WDPCP: variants seen among roughly 807,000 people sequenced by gnomAD.
WDPCP encodes the protein WD repeat-containing and planar cell polarity effector protein fritz homolog.
A neutral mutation model predicts 93.1 loss-of-function variants in WDPCP; 71 were observed. The observed-to-expected ratio is 0.76, with a 90% CI of 0.63 to 0.93. WDPCP has a LOEUF of 0.93. WDPCP is among the 40% of genes least tolerant of loss of function. WDPCP has a pLI of 0.00. For missense variants in WDPCP, 844 were observed against 887.4 expected (o/e 0.95, Z 0.62); for synonymous variants, 315 against 315.0 (o/e 1.00, Z 0.00).
rs147971702 is a variant in WDPCP, at chr2:63,322,568, G to A, written c.1749-9257C>T. On this transcript the variant is annotated intron_variant, in intron 12 of 17. Transcript: ENST00000272321. Reference sequence around the variant, plus strand: ...CTTTAAGAGCTGTAGCACTCACTGCGAAGGTCTGCGGCTTCACTCCTGAAG... The same window carrying A: ...CTTTAAGAGCTGTAGCACTCACTGCAAAGGTCTGCGGCTTCACTCCTGAAG... 7.4e-3 allele frequency among the ~76,000 whole-genome samples: 1,124 copies of A among 152,100 alleles called. 9 individuals carry two copies. Among genetic ancestry groups the A allele is most frequent in the Non-Finnish European group, 0.013 (888 of 67,996 alleles).
At position 63,174,608 on chromosome 2, in the gene WDPCP, G is replaced by T; in HGVS notation, c.2078+62C>A. 4 of 1,595,078 alleles carry T rather than the reference G, an allele frequency of 2.5e-6. No homozygotes were observed. The South Asian group carries it at 3.3e-5, about 13-fold the overall frequency. ...AATATTCTTGCTTTGCTATTAGTTCGCATTTGAACAGGTAATACTAAATAC... is the reference window on the plus strand; with the variant it reads ...AATATTCTTGCTTTGCTATTAGTTCTCATTTGAACAGGTAATACTAAATAC... On this transcript the variant is annotated intron_variant, in intron 15 of 17. Transcript: ENST00000272321.
intron 14 of WDPCP, among the ~76,000 whole-genome samples, chr2:63,236,192 C>G (rs1574950740): frequency 1.3e-5 from 2 of 152,120 alleles, no homozygotes; most frequent in South Asian, 4.1e-4. Context: ...CAATAACGTT[C>G]AAGCTGAGAG....
intron 2 of WDPCP, among the ~76,000 whole-genome samples, chr2:63,742,707 CGTT>C (rs990616391): frequency 1.1e-4 from 16 of 148,494 alleles, no homozygotes; most frequent in Non-Finnish European, 1.9e-4. Flanking sequence ...GACATAAAAA[CGTT>C]GGTGGATTGT....
chr2:63,489,198 G>A (rs1410454005), intron 2 of WDPCP, among the ~76,000 whole-genome samples: 1 of 152,004 alleles, frequency 6.6e-6, no homozygotes, highest in African/African-American at 2.4e-5. Context: ...CAAACAGGGT[G>A]ACTGATAAGT....
At chr2:63,716,251 T>G (rs1211202548) in intron 2 of WDPCP, among the ~76,000 whole-genome samples, 1 of 152,166 alleles carries the variant, frequency 6.6e-6, no homozygotes, top group Non-Finnish European at 1.5e-5. Flanking sequence ...AGACCTCTAG[T>G]AACTTAATAG....
chr2:63,366,050 C>G (rs767254266), intron 12 of WDPCP, among the ~76,000 whole-genome samples: 32 of 152,240 alleles, frequency 2.1e-4, no homozygotes, highest in Non-Finnish European at 4.0e-4. Flanking sequence ...ATCATAGAAT[C>G]TCATGTTGGA....
chr2:63,142,538 G>A (rs1375146178), intron 17 of WDPCP, among the ~76,000 whole-genome samples: 1 of 152,094 alleles, frequency 6.6e-6, no homozygotes, highest in Non-Finnish European at 1.5e-5. Flanking sequence ...TTTATTGAGG[G>A]TCGTTTTATG....
chr2:63,726,361 T>C (rs888699446), intron 2 of WDPCP, among the ~76,000 whole-genome samples: 6 of 152,154 alleles, frequency 3.9e-5, no homozygotes, highest in Admixed American at 6.6e-5. Flanking sequence ...CAGTTGTAAG[T>C]GTGTGGCTTT....
At chr2:63,195,792 T>C (rs1048402092) in intron 14 of WDPCP, among the ~76,000 whole-genome samples, 4 of 152,164 alleles carry the variant, frequency 2.6e-5, no homozygotes, top group African/African-American at 7.2e-5. Context: ...ATACAATCTG[T>C]TATAAAAAGT....
At chr2:63,534,188 A>G (rs559589838) in intron 1 of WDPCP, among the ~76,000 whole-genome samples, 1 of 152,350 alleles carries the variant, frequency 6.6e-6, no homozygotes, top group South Asian at 2.1e-4. Flanking sequence ...GACTTGACCA[A>G]TAACAGGCTC....
chr2:63,196,671 C>T (rs1675457824), intron 14 of WDPCP, among the ~76,000 whole-genome samples: 1 of 152,144 alleles, frequency 6.6e-6, no homozygotes, highest in Non-Finnish European at 1.5e-5. Context: ...AAGCAGCAGA[C>T]AAGTTCTCAG....
At position 63,545,714 on chromosome 2, in the gene WDPCP, C is replaced by G. The variant is rs142733255; in HGVS notation, c.75+42483G>C. On this transcript the variant is annotated intron_variant, in intron 1 of 17. Transcript: ENST00000272321. ...GAACTCAGATCCACCTAGAAACATTCAAGTGTTCATGGACCACAGTGTATT... is the reference window on the plus strand; with the variant it reads ...GAACTCAGATCCACCTAGAAACATTGAAGTGTTCATGGACCACAGTGTATT... 4.0e-4 allele frequency among the ~76,000 whole-genome samples: 61 copies of G among 152,102 alleles called. 1 individual carries two copies. In the East Asian group the frequency reaches 0.011, roughly 28 times the overall value.
intron 1 of WDPCP, among the ~76,000 whole-genome samples, chr2:63,505,969 A>G (rs944711778): frequency 6.6e-6 from 1 of 152,136 alleles, no homozygotes; most frequent in African/African-American, 2.4e-5. Flanking sequence ...AACCATGTCC[A>G]GGAATTTAGT....
chr2:63,591,489 T>G (rs1709201050), upstream of WDPCP, among the ~76,000 whole-genome samples: 1 of 152,246 alleles, frequency 6.6e-6, no homozygotes, highest in African/African-American at 2.4e-5. Context: ...ACTGTGATAC[T>G]GTGAACATGT....
chr2:63,293,311 A>C (rs1684586067), intron 13 of WDPCP, among the ~76,000 whole-genome samples: 1 of 152,220 alleles, frequency 6.6e-6, no homozygotes, highest in Non-Finnish European at 1.5e-5. Context: ...AGGCCTGAGA[A>C]GACCTTAAGA....
At chr2:63,605,980 C>T (rs757528876) in intron 3 of WDPCP, 4 of 1,614,030 alleles carry the variant, frequency 2.5e-6, no homozygotes, top group South Asian at 1.1e-5. Flanking sequence ...ATGGCAACTC[C>T]TATGGTGTTC....
At chr2:63,242,863 T>A (rs1679968823) in intron 14 of WDPCP, among the ~76,000 whole-genome samples, 2 of 152,280 alleles carry the variant, frequency 1.3e-5, no homozygotes, top group African/African-American at 4.8e-5. Flanking sequence ...GCCTCCTTTT[T>A]CCTCCTTTTG....
intron 6 of WDPCP, among the ~76,000 whole-genome samples, chr2:63,484,312 AAACATCTACTAC>A (rs1700439175): frequency 2.0e-5 from 3 of 152,004 alleles, no homozygotes; most frequent in South Asian, 4.1e-4. Context: ...CTATGCCAGC[AAACATCTACTAC>A]AACATTCAGA....
intron 2 of WDPCP, among the ~76,000 whole-genome samples, chr2:63,679,209 T>A (rs1286517120): frequency 6.6e-6 from 1 of 152,204 alleles, no homozygotes; most frequent in Admixed American, 6.5e-5. Context: ...GAGGGAGTCA[T>A]CCCTTCCCTC....
Sources: gnomAD v4.1 joint callset for allele counts (sites outside exome capture counted in the v4.1 genomes callset) on GRCh38, gnomAD v4.1.1 for gene constraint, MANE v1.5 for transcripts, NCBI Gene and HGNC (gene_info 2026-07-23, HGNC 2026-07-21) for gene names.